Variants in SAG observed in about 807,000 individuals in gnomAD.
The protein encoded by SAG is S-arrestin.
A neutral mutation model predicts 55.0 loss-of-function variants in SAG; 45 were observed. The observed-to-expected ratio is 0.82, with a 90% CI of 0.64 to 1.05. The LOEUF is 1.05. Among genes scored for constraint, SAG ranks in the 50% least tolerant of loss-of-function variants. The pLI is 0.00. For synonymous variants in SAG, 189 were observed against 197.4 expected, an observed-to-expected ratio of 0.96 and a Z score of 0.36; for missense variants, 455 against 512.1, an observed-to-expected ratio of 0.89 and a Z score of 1.08.
chr2:233,320,942 C>G (rs1050724732), intron 5 of SAG, 119 bp downstream of exon 5: 2 of 824,388 alleles, frequency 2.4e-6, no homozygotes, highest in Non-Finnish European at 3.7e-6. Flanking sequence ...GAAATTGCAC[C>G]CTTGAAAGAA....
chr2:233,334,510 C>T (rs1376540583), intron 10 of SAG: 3 of 156,890 alleles, frequency 1.9e-5, no homozygotes, highest in Non-Finnish European at 4.2e-5. Context: ...CTGCGTTGCC[C>T]CTCTAGACAA....
At chr2:233,328,213 C>G (rs1700632509) in intron 7 of SAG, 2 of 389,658 alleles carry the variant, frequency 5.1e-6, no homozygotes, top group Non-Finnish European at 4.6e-6. Context: ...ATCCACGGAG[C>G]CTAAGGGGCT....
intron 15 of SAG, 83 bp from the exon 16 acceptor site, chr2:233,346,724 C>T (rs778472804): frequency 2.8e-5 from 27 of 967,044 alleles, no homozygotes; most frequent in East Asian, 5.2e-5. Context: ...TCAGTTCCTT[C>T]GTTGCAAAAA....
At chr2:233,327,303 C>T in intron 7 of SAG, 106 bp downstream of exon 7, 1 of 869,532 alleles carries the variant, frequency 1.2e-6, no homozygotes, top group Non-Finnish European at 1.9e-6. Context: ...ATAGGGCTGG[C>T]ACGGCTGGGG....
intron 5 of SAG, among the ~76,000 whole-genome samples, chr2:233,321,918 T>A (rs1463046060): frequency 2.0e-5 from 3 of 151,742 alleles, no homozygotes; most frequent in Non-Finnish European, 4.4e-5. Flanking sequence ...TTAAAACGTG[T>A]GCTTCTCCGA....
chr2:233,320,965 A>C (rs1229224964), intron 5 of SAG, 142 bp downstream of exon 5: 1 of 687,038 alleles, frequency 1.5e-6, no homozygotes, highest in Non-Finnish European at 2.4e-6. Flanking sequence ...TCTAGATTGC[A>C]TGGTCTGTGA....
chr2:233,321,073 A>T (rs544732383), intron 5 of SAG, among the ~76,000 whole-genome samples: 1 of 152,298 alleles, frequency 6.6e-6, no homozygotes, highest in African/African-American at 2.4e-5. Context: ...CCCCCTAATT[A>T]CATGAGCACG....
At chr2:233,324,968 G>A (rs143894688) in intron 6 of SAG, among the ~76,000 whole-genome samples, 1,559 of 152,290 alleles carry the variant, frequency 0.01, 22 homozygotes, top group African/African-American at 0.036. Context: ...GCTCATGCCT[G>A]TAATCCCAGC....
At chr2:233,320,567 C>T (rs536688717) in intron 4 of SAG, 63 bp from the exon 5 acceptor site, 10 of 1,324,670 alleles carry the variant, frequency 7.5e-6, no homozygotes, top group East Asian at 5.3e-5. Context: ...CTGCCCATTC[C>T]GTCAGTGGTG....
intron 14 of SAG, 180 bp downstream of exon 14, chr2:233,342,506 T>C: frequency 1.6e-6 from 1 of 617,130 alleles, no homozygotes; most frequent in East Asian, 2.8e-5. Flanking sequence ...TGTTCAGCGC[T>C]GAGCCGGGTA....
rs75394318 is a variant in SAG at position 233,337,902 on chromosome 2, C to T, written c.945-774C>T. ...CGATAAGCATCTGTGATGAAATGCCCGGCACAGTGCCTGCCAGATAGTAGA... is the reference window on the plus strand; with the variant it reads ...CGATAAGCATCTGTGATGAAATGCCTGGCACAGTGCCTGCCAGATAGTAGA... On this transcript the variant is annotated intron_variant, in intron 11 of 15. Coordinates refer to ENST00000409110, the MANE Select transcript of SAG (RefSeq NM_000541.5). 2.3e-3 allele frequency among the ~76,000 whole-genome samples: 349 copies of T among 152,332 alleles called. 4 individuals are homozygous for T. The highest frequency in any genetic ancestry group is 7.6e-3 in the African/African-American group (317 of 41,580).
At chr2:233,325,021 T>C (rs1700505097) in intron 6 of SAG, among the ~76,000 whole-genome samples, 1 of 151,146 alleles carries the variant, frequency 6.6e-6, no homozygotes, top group South Asian at 2.1e-4. Flanking sequence ...TGGTCACGAG[T>C]TTGAGACCAG....
chr2:233,346,826 GT>G lies in SAG; in HGVS notation c.1137del (p.Phe379LeufsTer9). The G allele has an allele frequency of 6.2e-7, 1 of 1,610,886 alleles. No homozygotes were observed. Among genetic ancestry groups the G allele is most frequent in the Non-Finnish European group, 8.5e-7 (1 of 1,177,814 alleles). ...TTTTAGTTATCAGGATGCAAATTTA[GT>G]TTTTGAGGAGTTTGCTCGCCATAAT... is the stretch of plus-strand genomic sequence containing the variant. The part of the protein sequence containing the change: ...AKESYQDANL[V>X]FEEFARHNLK... On this transcript the variant is annotated frameshift_variant, in exon 16 of 16. Coordinates refer to ENST00000409110, the MANE Select transcript of SAG (RefSeq NM_000541.5). LOFTEE classifies it high-confidence loss of function.
chr2:233,327,255 C>T lies in SAG; in HGVS notation c.512+58C>T, dbSNP rs2304772. ...CTGCGGTGGGGGTGGAGAGAAGAGA[C>T]GACCTCCACCTTGTCTCTGTGGGAC... On this transcript the variant is annotated intron_variant, in intron 7 of 15. Transcript: ENST00000409110. The T allele has an allele frequency of 6.4e-4, 870 of 1,369,108 alleles. 8 individuals carry two copies. The East Asian group carries it at 0.017, about 26-fold the overall frequency. The allele number at this position is 1,369,108 out of a possible 1,614,324, so 84.8% of individuals were successfully genotyped here.
chr2:233,346,245 G>T, intron 14 of SAG, 158 bp from the exon 15 acceptor site: 1 of 658,928 alleles, frequency 1.5e-6, no homozygotes, highest in South Asian at 1.9e-5. Context: ...GGAATTACAC[G>T]CAGTGATCAT....
chr2:233,337,262 A>G (rs1173940976), intron 11 of SAG, among the ~76,000 whole-genome samples: 1 of 151,944 alleles, frequency 6.6e-6, no homozygotes, highest in Non-Finnish European at 1.5e-5. Flanking sequence ...TTTTTGAGAT[A>G]AGGTCTCAGT....
intron 9 of SAG, among the ~76,000 whole-genome samples, chr2:233,330,186 C>T (rs1209554727): frequency 1.3e-5 from 2 of 152,206 alleles, no homozygotes; most frequent in Admixed American, 6.5e-5. Context: ...TTGGCTCTTT[C>T]ATGAGGAAGA....
At chr2:233,311,530 CG>C (rs1257752999) in intron 2 of SAG, among the ~76,000 whole-genome samples, 3 of 152,168 alleles carry the variant, frequency 2.0e-5, no homozygotes, top group African/African-American at 7.2e-5. Flanking sequence ...CTGAGCATAC[CG>C]CCTGGTGGAA....
chr2:233,341,382 A>G (rs1177532954), intron 13 of SAG, among the ~76,000 whole-genome samples: 1 of 152,242 alleles, frequency 6.6e-6, no homozygotes, highest in Non-Finnish European at 1.5e-5. Flanking sequence ...TGCTTCGTGC[A>G]TAATTTAAAA....
Sources: gnomAD v4.1 joint callset for allele counts (sites outside exome capture counted in the v4.1 genomes callset) on GRCh38, gnomAD v4.1.1 for gene constraint, MANE v1.5 for transcripts, NCBI Gene and HGNC (gene_info 2026-07-23, HGNC 2026-07-21) for gene names.